Variants in ALOX5 observed in about 807,000 individuals in gnomAD.
The protein encoded by ALOX5 is arachidonate 5-lipoxygenase.
Under a neutral mutation model 87.9 loss-of-function variants are expected in ALOX5, and 64 were observed. The observed-to-expected ratio is 0.73, with a 90% CI of 0.60 to 0.90. The LOEUF is 0.90. Ranked by LOEUF, ALOX5 falls within the 40% of genes least tolerant of loss-of-function variation. The pLI is 0.00. For synonymous variants in ALOX5, 388 were observed against 355.1 expected, an observed-to-expected ratio of 1.09 and a Z score of -1.04; for missense variants, 822 against 907.5, an observed-to-expected ratio of 0.91 and a Z score of 1.21.
intron 3 of ALOX5, among the ~76,000 whole-genome samples, chr10:45,403,168 G>A (rs550612467): frequency 1.3e-5 from 2 of 152,242 alleles, no homozygotes; most frequent in South Asian, 2.1e-4. Context: ...GTGCATGTGC[G>A]CCTGGATACT....
chr10:45,425,998 C>T lies in ALOX5; in HGVS notation c.834+866C>T, dbSNP rs563504041. Among the ~76,000 whole-genome samples the T allele has an allele frequency of 5.3e-5, 8 of 152,320 alleles. No individual in the cohort carries two copies. Among genetic ancestry groups the T allele is most frequent in the Middle Eastern group, 3.4e-3 (1 of 294 alleles). ...CTGAAGTCCCTGGGCAAGTCTCCTG[C>T]CCCAGTGCAGGCAGTGTTTCCTAAC... On this transcript the variant is annotated intron_variant, in intron 6 of 13. Transcript: ENST00000374391. The surrounding 1 kb of genome is among the most constrained non-coding windows in gnomAD (Gnocchi z 4.4).
intron 4 of ALOX5, among the ~76,000 whole-genome samples, chr10:45,419,305 C>CG (rs112963802): frequency 2.6e-5 from 4 of 152,004 alleles, no homozygotes; most frequent in African/African-American, 7.2e-5. Flanking sequence ...GGCACCCGGC[C>CG]GGGGGGGTCA....
In ALOX5 at chr10:45,382,614, C is replaced by G; in HGVS notation, c.282C>G (p.Asp94Glu). ...TCACGCTGAAGACGCCCCACGGGGACTACATCGAGTTCCCCTGCTACCGCT... is the reference window on the plus strand; with the variant it reads ...TCACGCTGAAGACGCCCCACGGGGAGTACATCGAGTTCCCCTGCTACCGCT... ...KYITLKTPHG[D>E]YIEFPCYRWI... The change falls in exon 2 of 14, where the codon GAC becomes GAG. Residue 94 changes from aspartate to glutamate, a missense_variant. Coordinates refer to ENST00000374391, the MANE Select transcript of ALOX5 (RefSeq NM_000698.5). The G allele has an allele frequency of 6.2e-7, 1 of 1,614,172 alleles. No homozygotes were observed. The highest frequency in any genetic ancestry group is 1.1e-5 in the South Asian group (1 of 91,084).
intron 3 of ALOX5, among the ~76,000 whole-genome samples, chr10:45,399,983 G>C (rs561766961): frequency 1.3e-5 from 2 of 152,256 alleles, no homozygotes; most frequent in South Asian, 4.2e-4. Context: ...AAAAAAGACA[G>C]ATAGTAACAA....
intron 7 of ALOX5, among the ~76,000 whole-genome samples, chr10:45,437,802 C>T (rs774004815): frequency 1.4e-4 from 21 of 152,212 alleles, no homozygotes; most frequent in Non-Finnish European, 2.4e-4. Context: ...CCAATGGAGA[C>T]AGGACACGGT....
intron 7 of ALOX5, among the ~76,000 whole-genome samples, chr10:45,435,486 T>G (rs532367352): frequency 6.6e-6 from 1 of 152,312 alleles, no homozygotes; most frequent in South Asian, 2.1e-4. Context: ...TACACAATGC[T>G]TAGCTCCCAC....
chr10:45,390,810 A>C (rs1234113516), intron 2 of ALOX5, among the ~76,000 whole-genome samples: 1 of 152,174 alleles, frequency 6.6e-6, no homozygotes, highest in Non-Finnish European at 1.5e-5. Flanking sequence ...ACACATTCAA[A>C]AGCTAGCAGA....
chr10:45,417,039 G>C (rs1352814110), intron 4 of ALOX5, among the ~76,000 whole-genome samples: 7 of 152,126 alleles, frequency 4.6e-5, no homozygotes, highest in African/African-American at 1.7e-4. Flanking sequence ...TGTCATCTCT[G>C]TATCTCAGGA....
At chr10:45,387,275 C>G (rs1798606070) in intron 2 of ALOX5, among the ~76,000 whole-genome samples, 1 of 152,144 alleles carries the variant, frequency 6.6e-6, no homozygotes, top group Admixed American at 6.5e-5. Context: ...TCTCAATCCT[C>G]TGTGTAGGCA....
chr10:45,387,278 T>G (rs1840042029), intron 2 of ALOX5, among the ~76,000 whole-genome samples: 1 of 152,134 alleles, frequency 6.6e-6, no homozygotes, highest in African/African-American at 2.4e-5. Flanking sequence ...CAATCCTCTG[T>G]GTAGGCACGA....
chr10:45,421,144 G>T (rs1841492799), intron 4 of ALOX5, among the ~76,000 whole-genome samples: 1 of 152,226 alleles, frequency 6.6e-6, no homozygotes, highest in Non-Finnish European at 1.5e-5. Flanking sequence ...GGTCTTCGAA[G>T]CCCTGAATAT....
At chr10:45,417,985 C>T (rs915654383) in intron 4 of ALOX5, among the ~76,000 whole-genome samples, 1 of 152,206 alleles carries the variant, frequency 6.6e-6, no homozygotes, top group Non-Finnish European at 1.5e-5. Flanking sequence ...CTGCAGCCCA[C>T]GTTTCTCCAC....
chr10:45,408,894 G>A (rs188264465), intron 3 of ALOX5, among the ~76,000 whole-genome samples: 2 of 152,260 alleles, frequency 1.3e-5, no homozygotes, highest in East Asian at 3.9e-4. Flanking sequence ...GCACATAGTA[G>A]GTGCTCCATA....
At chr10:45,420,656 C>A (rs1031980496) in intron 4 of ALOX5, among the ~76,000 whole-genome samples, 1 of 152,230 alleles carries the variant, frequency 6.6e-6, no homozygotes, top group African/African-American at 2.4e-5. Context: ...GTTTCCTCGC[C>A]GCTGCTTCTG....
At chr10:45,377,900 A>G (rs1439469024) in intron 1 of ALOX5, among the ~76,000 whole-genome samples, 1 of 152,208 alleles carries the variant, frequency 6.6e-6, no homozygotes, top group Non-Finnish European at 1.5e-5. Context: ...TACATATCCA[A>G]TAAAAAGTTA....
chr10:45,395,333 C>T (rs910622576), intron 2 of ALOX5, among the ~76,000 whole-genome samples: 1 of 152,098 alleles, frequency 6.6e-6, no homozygotes, highest in Non-Finnish European at 1.5e-5. Flanking sequence ...GGAAATCACC[C>T]TTCTCAGCAA....
chr10:45,445,513 C>T lies in ALOX5; in HGVS notation c.1851C>T (p.Phe617=). The part of the protein sequence containing the change: ...ALSQFQENEL[F]LGMYPEEHFI... ...GTCCATGTCTGGGCCCTCAGCTGTT[C>T]CTGGGCATGTACCCAGAAGAGCATT... The change falls in exon 14 of 14, where the codon TTC becomes TTT. Residue 617 remains phenylalanine, a synonymous_variant. Coordinates refer to ENST00000374391, the MANE Select transcript of ALOX5 (RefSeq NM_000698.5). 1 of 1,613,094 alleles carries T rather than the reference C, an allele frequency of 6.2e-7. No homozygotes were observed. Among genetic ancestry groups the T allele is most frequent in the Non-Finnish European group, 8.5e-7 (1 of 1,179,164 alleles).
intron 4 of ALOX5, among the ~76,000 whole-genome samples, chr10:45,419,524 C>G (rs917034362): frequency 6.6e-6 from 1 of 152,332 alleles, no homozygotes; most frequent in Admixed American, 6.5e-5. Context: ...GCCCCGCAGG[C>G]CAGCCACATG....
chr10:45,425,094 A>C lies in ALOX5; in HGVS notation c.796A>C (p.Ser266Arg). ...GGTGACCACGGAGATGGTAGAGTGC[A>C]GCCTGGAGCGGCAGCTCAGCTTGGA... ...LPVTTEMVEC[S>R]LERQLSLEQE... Residue 266 changes from serine to arginine, a missense_variant, in exon 6 of 14, where the codon AGC becomes CGC. Transcript: ENST00000374391. This position sits in a 1 kb window ranked among gnomAD's most constrained non-coding sequence, Gnocchi z 4.4. The C allele has an allele frequency of 6.2e-7, 1 of 1,614,000 alleles. No homozygotes were observed. Among genetic ancestry groups the C allele is most frequent in the Non-Finnish European group, 8.5e-7 (1 of 1,180,026 alleles).
Sources: gnomAD v4.1 joint callset for allele counts (sites outside exome capture counted in the v4.1 genomes callset) on GRCh38, gnomAD v4.1.1 for gene constraint, Gnocchi (gnomAD v3.1) non-coding constraint, MANE v1.5 for transcripts, NCBI Gene and HGNC (gene_info 2026-07-23, HGNC 2026-07-21) for gene names.